The following PPM1H variants were observed in gnomAD, a reference collection of about 807,000 sequenced individuals.
PPM1H encodes the protein protein phosphatase 1H.
Under a neutral mutation model 54.9 loss-of-function variants are expected in PPM1H, and 27 were observed. The observed-to-expected ratio is 0.49, with a 90% CI of 0.36 to 0.68. The LOEUF (loss-of-function observed/expected upper bound fraction) is 0.68. Among genes scored for constraint, PPM1H ranks in the 30% least tolerant of loss-of-function variants. The pLI, the probability that PPM1H is intolerant of heterozygous loss-of-function variation, is 0.00. For missense variants in PPM1H, 596 were observed against 667.8 expected, an observed-to-expected ratio of 0.89 and a Z score of 1.19; for synonymous variants, 305 against 270.8, an observed-to-expected ratio of 1.13 and a Z score of -1.24.
intron 2 of PPM1H, among the ~76,000 whole-genome samples, chr12:62,805,481 G>A (rs1592608596): frequency 6.6e-6 from 1 of 152,162 alleles, no homozygotes; most frequent in South Asian, 2.1e-4. Flanking sequence ...AGAAAATGTG[G>A]TGTATATTAT....
chr12:62,901,227 A>C (rs1592662886), intron 1 of PPM1H, among the ~76,000 whole-genome samples: 1 of 152,250 alleles, frequency 6.6e-6, no homozygotes. Context: ...CCAGTGGGCA[A>C]CAGCCAATCA....
chr12:62,917,584 G>C (rs1159014267), intron 1 of PPM1H, among the ~76,000 whole-genome samples: 1 of 152,174 alleles, frequency 6.6e-6, no homozygotes, highest in Non-Finnish European at 1.5e-5. Flanking sequence ...AGATTTTGAA[G>C]CATATCCCCC....
intron 4 of PPM1H, among the ~76,000 whole-genome samples, chr12:62,750,829 T>G (rs1312031610): frequency 1.3e-5 from 2 of 152,228 alleles, no homozygotes; most frequent in African/African-American, 2.4e-5. Flanking sequence ...TAAAGGCACC[T>G]TGCTGAAAAA....
At chr12:62,907,419 C>G (rs1182058228) in intron 1 of PPM1H, among the ~76,000 whole-genome samples, 1 of 152,172 alleles carries the variant, frequency 6.6e-6, no homozygotes, top group Admixed American at 6.5e-5. Flanking sequence ...GTGTTCAGAC[C>G]TGTGTTCAGG....
intron 9 of PPM1H, among the ~76,000 whole-genome samples, chr12:62,656,306 G>A (rs1294732119): frequency 6.6e-6 from 1 of 152,104 alleles, no homozygotes; most frequent in Non-Finnish European, 1.5e-5. Flanking sequence ...CAATAATAGT[G>A]CAGACCTCCA....
intron 1 of PPM1H, among the ~76,000 whole-genome samples, chr12:62,916,352 C>A (rs1871622035): frequency 6.6e-6 from 1 of 152,076 alleles, no homozygotes; most frequent in Non-Finnish European, 1.5e-5. Context: ...AACTATCAAA[C>A]CATTTAATAA....
At chr12:62,678,883 C>A (rs2076002540) in intron 8 of PPM1H, among the ~76,000 whole-genome samples, 1 of 152,064 alleles carries the variant, frequency 6.6e-6, no homozygotes, top group South Asian at 2.1e-4. Context: ...GACAGGGTTT[C>A]ACCATGTTGG....
chr12:62,724,224 A>G (rs1322841641), intron 5 of PPM1H, among the ~76,000 whole-genome samples: 1 of 152,240 alleles, frequency 6.6e-6, no homozygotes, highest in East Asian at 1.9e-4. Context: ...TCTATGTGAC[A>G]TAAGCTTATA....
intron 3 of PPM1H, among the ~76,000 whole-genome samples, chr12:62,799,910 C>G (rs911809480): frequency 2.6e-5 from 4 of 152,130 alleles, no homozygotes; most frequent in Non-Finnish European, 2.9e-5. Flanking sequence ...TGACACTGAA[C>G]CCACATGACA....
rs953228613 is a variant in PPM1H at position 62,844,493 on chromosome 12, G to T, written c.246-12214C>A. On this transcript the variant is annotated intron_variant, in intron 1 of 9. Transcript: ENST00000228705. The surrounding 1 kb of genome is among the most constrained non-coding windows in gnomAD (Gnocchi z 5.2). ...TAGCCACATTCCCCTCAAGGCTCAA[G>T]ATAACTTAAAGTTCCAACAGCTTTA... 1.3e-5 allele frequency among the ~76,000 whole-genome samples: 2 copies of T among 152,194 alleles called. No homozygotes were observed. The highest frequency in any genetic ancestry group is 2.9e-5 in the Non-Finnish European group (2 of 68,032).
At chr12:62,733,288 C>CT (rs1773310015) in intron 5 of PPM1H, among the ~76,000 whole-genome samples, 1 of 152,120 alleles carries the variant, frequency 6.6e-6, no homozygotes. Context: ...GAGTCTTGCT[C>CT]TGTTGCCCAG....
rs578070118 is a variant in PPM1H at position 62,801,996 on chromosome 12, C to G, written c.576G>C (p.Leu192=). 123 of 1,613,386 alleles carry G rather than the reference C, an allele frequency of 7.6e-5. No homozygotes were observed. The highest frequency in any genetic ancestry group is 4.1e-4 in the South Asian group (37 of 91,030). ...CGGGCGTGTTCTCAGGCTCCTCCCC[C>G]AGGCAGGTAGGGGGCAGGACGGCGG... ...KNSAVLPPTC[L]GEEPENTPAN... The change falls in exon 3 of 10, where the codon CTG becomes CTC. Residue 192 remains leucine (L), a synonymous_variant. Transcript: ENST00000228705.
chr12:62,931,514 G>A (rs994352288), intron 1 of PPM1H, among the ~76,000 whole-genome samples: 3 of 152,160 alleles, frequency 2.0e-5, no homozygotes, highest in South Asian at 2.1e-4. Context: ...ATAAGGAAGC[G>A]GTACAGTATA....
chr12:62,684,634 T>C (rs2076041466), intron 8 of PPM1H, among the ~76,000 whole-genome samples: 1 of 152,096 alleles, frequency 6.6e-6, no homozygotes, highest in African/African-American at 2.4e-5. Flanking sequence ...CCCCTACAAC[T>C]GTTAAAACTA....
chr12:62,760,236 G>A (rs538522108), intron 4 of PPM1H, among the ~76,000 whole-genome samples: 7 of 152,178 alleles, frequency 4.6e-5, no homozygotes, highest in South Asian at 2.1e-4. Context: ...GGTGCCTGAC[G>A]TCCAGGCATT....
At chr12:62,926,074 T>C (rs1358220121) in intron 1 of PPM1H, among the ~76,000 whole-genome samples, 1 of 152,180 alleles carries the variant, frequency 6.6e-6, no homozygotes, top group Non-Finnish European at 1.5e-5. Flanking sequence ...GTGGAGAAGG[T>C]GGACATCTGA....
At chr12:62,759,903 C>G (rs1178010357) in intron 4 of PPM1H, among the ~76,000 whole-genome samples, 1 of 151,462 alleles carries the variant, frequency 6.6e-6, no homozygotes, top group Non-Finnish European at 1.5e-5. Flanking sequence ...CCTCTCACCC[C>G]TTCTTCACTT....
intron 4 of PPM1H, among the ~76,000 whole-genome samples, chr12:62,759,467 T>C (rs758387504): frequency 4.4e-4 from 67 of 152,352 alleles, no homozygotes; most frequent in Admixed American, 1.7e-3. Context: ...TCAATTCCTT[T>C]CATTATCTGG....
intron 6 of PPM1H, among the ~76,000 whole-genome samples, chr12:62,699,876 G>A (rs1463198013): frequency 6.6e-6 from 1 of 152,104 alleles, no homozygotes; most frequent in African/African-American, 2.4e-5. Context: ...ATTACTAATT[G>A]AGCCTGCCTT....
Sources: gnomAD v4.1 joint callset for allele counts (sites outside exome capture counted in the v4.1 genomes callset) on GRCh38, gnomAD v4.1.1 for gene constraint, Gnocchi (gnomAD v3.1) non-coding constraint, MANE v1.5 for transcripts, NCBI Gene and HGNC (gene_info 2026-07-23, HGNC 2026-07-21) for gene names.